TDRD12: variants seen among roughly 807,000 people sequenced by gnomAD.
TDRD12 encodes the protein tudor domain containing 12.
A neutral mutation model predicts 133.5 loss-of-function variants in TDRD12; 158 were observed. That is an observed-to-expected ratio of 1.18 (90% CI 1.04 to 1.35). TDRD12 has a LOEUF of 1.35. TDRD12 is among the 40% of genes most tolerant of loss of function. The probability of loss-of-function intolerance (pLI) is 0.00; values close to 1 mark genes in which losing one functional copy is unlikely to be tolerated. For synonymous variants in TDRD12, 460 were observed against 477.9 expected, an observed-to-expected ratio of 0.96 and a Z score of 0.49; for missense variants, 1,443 against 1,321.3, an observed-to-expected ratio of 1.09 and a Z score of -1.43.
At chr19:32,745,980 TTCTGTG>T (rs1461562012) in intron 4 of TDRD12, among the ~76,000 whole-genome samples, 1 of 106,362 alleles carries the variant, frequency 9.4e-6, no homozygotes, top group Non-Finnish European at 1.9e-5. Context: ...GATGTGGTCA[TTCTGTG>T]TGTGTGTGTG....
In TDRD12 at chr19:32,790,447, T is replaced by C. The variant is rs1971035935; in HGVS notation, c.1122-84T>C. On this transcript the variant is annotated intron_variant, in intron 11 of 27. Transcript: ENST00000444215. ...CTTGGGCTGTGCAGCCCCTGCTATC[T>C]CTGTCAAGGAAGAACTAAAAGAATA... The C allele has an allele frequency of 1.5e-5, 20 of 1,347,322 alleles. 1 individual carries two copies. Among genetic ancestry groups the C allele is most frequent in the Middle Eastern group, 2.5e-4 (1 of 3,974 alleles). 83.5% of individuals were successfully genotyped at this position (1,347,322 alleles called of 1,614,324 possible). A position where few individuals can be genotyped will look rare whatever the true frequency, so the allele number is the denominator to read the frequency against.
intron 9 of TDRD12, 132 bp from the exon 10 acceptor site, chr19:32,773,324 C>T (rs1970489674): frequency 5.2e-6 from 4 of 776,664 alleles, no homozygotes; most frequent in Non-Finnish European, 8.7e-6. Context: ...ATCTCTCTAT[C>T]TCTGTGTGTG....
intron 8 of TDRD12, among the ~76,000 whole-genome samples, chr19:32,769,628 A>G (rs539927643): frequency 2.0e-4 from 30 of 150,304 alleles, no homozygotes; most frequent in Non-Finnish European, 1.0e-4. Flanking sequence ...GAAGTCACAT[A>G]CATTAATTGT....
chr19:32,801,690 G>C, intron 18 of TDRD12, 66 bp from the exon 19 acceptor site: 1 of 509,834 alleles, frequency 2.0e-6, no homozygotes, highest in Non-Finnish European at 3.3e-6. Flanking sequence ...GACAATTATT[G>C]ATGGAACGGT....
exon 24 of TDRD12, chr19:32,811,354 G>A (rs747073152): frequency 5.9e-5 from 90 of 1,535,946 alleles, no homozygotes; most frequent in Non-Finnish European, 6.9e-5. Context: ...CACTTCCCCC[G>A]CAGGCTGTGG....
exon 10 of TDRD12, chr19:32,827,507 G>A: frequency 4.7e-6 from 1 of 214,420 alleles, no homozygotes; most frequent in Non-Finnish European, 9.0e-6. Flanking sequence ...AGCCTCCCGA[G>A]TAGCTGGGAT....
intron 16 of TDRD12, among the ~76,000 whole-genome samples, chr19:32,799,536 T>C (rs2145691470): frequency 6.6e-6 from 1 of 152,318 alleles, no homozygotes; most frequent in South Asian, 2.1e-4. Flanking sequence ...CACTTCCTTT[T>C]CTTATTTTCT....
rs1599627088 is a variant in TDRD12 at position 32,817,452 on chromosome 19, T to A, written c.3315-637T>A. Among the ~76,000 whole-genome samples, 3 of 152,258 alleles carry A rather than the reference T, an allele frequency of 2.0e-5. No homozygotes were observed. In the South Asian group the frequency reaches 6.2e-4, roughly 32 times the overall value. ...GCAGCCCGGGTCAGATTTCCTTCCC[T>A]TTGAAGCTCATCCTCCATGGCATGG... On this transcript the variant is annotated intron_variant, in intron 26 of 27. Coordinates refer to ENST00000444215, the Ensembl canonical transcript of TDRD12.
At chr19:32,796,147 C>T (rs1971218740) in intron 14 of TDRD12, 2 of 985,350 alleles carry the variant, frequency 2.0e-6, no homozygotes, top group Non-Finnish European at 2.4e-6. Context: ...GGGTGTGGAA[C>T]CTGCATCTCG....
intron 22 of TDRD12, 29 bp downstream of exon 22, chr19:32,807,677 T>C: frequency 7.1e-7 from 1 of 1,413,256 alleles, no homozygotes; most frequent in Non-Finnish European, 9.6e-7. Context: ...GCTTGTGTCC[T>C]CTGACGAATG....
chr19:32,753,996 C>T (rs1328259386), intron 6 of TDRD12, among the ~76,000 whole-genome samples: 1 of 152,100 alleles, frequency 6.6e-6, no homozygotes, highest in African/African-American at 2.4e-5. Flanking sequence ...TACTGTTTGC[C>T]AAAGTTACTT....
intron 9 of TDRD12, among the ~76,000 whole-genome samples, 165 bp downstream of exon 32, chr19:32,826,914 T>C (rs1967611381): frequency 6.6e-6 from 1 of 152,222 alleles, no homozygotes; most frequent in South Asian, 2.1e-4. Context: ...CGTTCTGGTT[T>C]GAGTACTTTT....
intron 2 of TDRD12, among the ~76,000 whole-genome samples, chr19:32,738,155 ATG>A (rs2145459565): frequency 1.3e-5 from 2 of 152,200 alleles, no homozygotes; most frequent in African/African-American, 4.8e-5. Flanking sequence ...ATAAAGAGTC[ATG>A]GGTAAGGGAG....
In TDRD12 at chr19:32,742,032, T is replaced by C. The variant is rs539024111; in HGVS notation, c.321-749T>C. Among the ~76,000 whole-genome samples, 41 of 152,368 alleles carry C rather than the reference T, an allele frequency of 2.7e-4. 1 individual carries two copies. Among genetic ancestry groups the C allele is most frequent in the Middle Eastern group, 3.4e-3 (1 of 294 alleles). ...CTAATTATTAAACCATCTGTTCATT[T>C]ACAGAAACTTTTAAGGTAATTTTGG... is the stretch of plus-strand genomic sequence containing the variant. On this transcript the variant is annotated intron_variant, in intron 3 of 27. Coordinates refer to ENST00000444215, the Ensembl canonical transcript of TDRD12.
intron 8 of TDRD12, among the ~76,000 whole-genome samples, chr19:32,765,440 A>G (rs1286870763): frequency 3.3e-5 from 5 of 152,210 alleles, no homozygotes; most frequent in Admixed American, 6.5e-5. Flanking sequence ...ACATGCACAC[A>G]TATGTTTATT....
intron 27 of TDRD12, among the ~76,000 whole-genome samples, chr19:32,818,469 T>G (rs1967264561): frequency 6.6e-6 from 1 of 152,126 alleles, no homozygotes; most frequent in African/African-American, 2.4e-5. Context: ...GGCTACTGTG[T>G]TGAGAACAGA....
intron 4 of TDRD12, among the ~76,000 whole-genome samples, chr19:32,747,279 G>A (rs187536236): frequency 1.1e-4 from 16 of 152,198 alleles, no homozygotes; most frequent in African/African-American, 3.1e-4. Flanking sequence ...CTAATTATTA[G>A]GTAATTCTTT....
intron 1 of TDRD12, among the ~76,000 whole-genome samples, chr19:32,724,471 G>C (rs113460862): frequency 3.5e-4 from 53 of 152,190 alleles, no homozygotes; most frequent in Admixed American, 2.6e-3. Flanking sequence ...GAGAACATAC[G>C]GTGTTTGGTT....
At chr19:32,755,466 T>C (rs1320586576) in intron 6 of TDRD12, among the ~76,000 whole-genome samples, 1 of 152,246 alleles carries the variant, frequency 6.6e-6, no homozygotes, top group Non-Finnish European at 1.5e-5. Context: ...TATATGCTTA[T>C]TTGCAATCTT....
Sources: allele counts gnomAD v4.1 joint callset (sites outside exome capture counted in the v4.1 genomes callset), GRCh38; gene constraint gnomAD v4.1.1; transcripts MANE v1.5; gene names NCBI Gene and HGNC (gene_info 2026-07-23, HGNC 2026-07-21).